LRIG1: variants seen among roughly 807,000 people sequenced by gnomAD.
LRIG1 encodes the protein leucine-rich repeats and immunoglobulin-like domains protein 1.
A neutral mutation model predicts 99.2 loss-of-function variants in LRIG1; 48 were observed. That is an observed-to-expected ratio of 0.48 (90% CI 0.38 to 0.62). The LOEUF is 0.62. Among genes scored for constraint, LRIG1 ranks in the 20% least tolerant of loss-of-function variants. LRIG1 has a pLI of 0.00. For synonymous variants in LRIG1, 772 were observed against 596.1 expected, an observed-to-expected ratio of 1.29 and a Z score of -4.30; for missense variants, 1,646 against 1,434.4, an observed-to-expected ratio of 1.15 and a Z score of -2.38.
chr3:66,392,332 T>C (rs566027141), intron 12 of LRIG1, among the ~76,000 whole-genome samples: 1 of 152,358 alleles, frequency 6.6e-6, no homozygotes. Context: ...TGCCAGGTCA[T>C]GTCGTAACTG....
At chr3:66,426,635 T>C (rs1702988778) in intron 3 of LRIG1, among the ~76,000 whole-genome samples, 1 of 152,218 alleles carries the variant, frequency 6.6e-6, no homozygotes, top group Admixed American at 6.5e-5. Context: ...GAAAGTGAAA[T>C]GGAACATAAG....
intron 9 of LRIG1, among the ~76,000 whole-genome samples, chr3:66,399,976 G>A (rs919330328): frequency 5.3e-5 from 8 of 152,226 alleles, no homozygotes; most frequent in Non-Finnish European, 1.0e-4. Flanking sequence ...ACCCCTCAGG[G>A]CCTGCAGGAG....
intron 2 of LRIG1, among the ~76,000 whole-genome samples, chr3:66,460,488 G>A (rs373037788): frequency 1.3e-5 from 2 of 152,192 alleles, no homozygotes; most frequent in African/African-American, 2.4e-5. Flanking sequence ...GGCCTTTGAA[G>A]AGGTGATGGG....
intron 9 of LRIG1, chr3:66,404,183 C>A (rs144900996): frequency 8.3e-7 from 1 of 1,210,862 alleles, no homozygotes; most frequent in Non-Finnish European, 1.1e-6. Flanking sequence ...CAAAAAGCCA[C>A]GCTTTTCAAA....
In LRIG1 at chr3:66,386,001, T is replaced by G; in HGVS notation, c.1769A>C (p.Lys590Thr). ...TNHFGSTYSH[K>T]ARLTVNVLPS... ...CATACCATTCACGGTGAGCCTGGCC[T>G]TATGTGAATAGGTGGAGCCAAAGTG... Residue 590 changes from lysine to threonine, a missense_variant, in exon 13 of 19, where the codon AAG (lysine) becomes ACG (threonine). Coordinates refer to ENST00000273261, the MANE Select transcript of LRIG1 (RefSeq NM_015541.3). The G allele has an allele frequency of 1.2e-6, 2 of 1,614,122 alleles. No individual in the cohort carries two copies. The highest frequency in any genetic ancestry group is 1.7e-5 in the Admixed American group (1 of 60,022).
chr3:66,448,587 AG>A (rs1703799956), intron 3 of LRIG1, among the ~76,000 whole-genome samples: 2 of 152,172 alleles, frequency 1.3e-5, no homozygotes, highest in Admixed American at 1.3e-4. Context: ...TGAGAAAAAA[AG>A]TAACGTATGT....
chr3:66,500,264 A>C lies in LRIG1; in HGVS notation c.144T>G (p.Ala48=). The C allele has an allele frequency of 1.3e-6, 2 of 1,500,950 alleles. No individual in the cohort carries two copies. Among genetic ancestry groups the C allele is most frequent in the Non-Finnish European group, 1.8e-6 (2 of 1,131,624 alleles). 93.0% of individuals were successfully genotyped at this position (1,500,950 alleles called of 1,614,324 possible). Residue 48 remains alanine (A), a synonymous_variant, in exon 1 of 19, where the codon GCT becomes GCG. Coordinates refer to ENST00000273261, the MANE Select transcript of LRIG1 (RefSeq NM_015541.3). Reference sequence around the variant, plus strand: ...GCCCACCGCAGTCCAGCGAGTCCCCAGCGCAAGTGCAGGCGGCCGCGCAGG... The same window carrying C: ...GCCCACCGCAGTCCAGCGAGTCCCCCGCGCAAGTGCAGGCGGCCGCGCAGG... The part of the protein sequence containing the change: ...RAPCAAACTC[A]GDSLDCGGRG...
intron 3 of LRIG1, among the ~76,000 whole-genome samples, chr3:66,440,465 T>C (rs530840123): frequency 1.6e-4 from 24 of 152,284 alleles, no homozygotes; most frequent in African/African-American, 5.8e-4. Context: ...AATGAACAGA[T>C]ACATATACGA....
intron 3 of LRIG1, among the ~76,000 whole-genome samples, chr3:66,443,347 G>GGGGGCGGGGGAGGAGTGA (rs1703609509): frequency 9.1e-6 from 1 of 110,398 alleles, no homozygotes; most frequent in East Asian, 2.0e-4. Flanking sequence ...GGATGAGTGA[G>GGGGGCGGGGGAGGAGTGA]GGGGCGGGGG....
intron 3 of LRIG1, among the ~76,000 whole-genome samples, chr3:66,418,245 C>T (rs1269028578): frequency 2.6e-5 from 4 of 152,174 alleles, no homozygotes; most frequent in South Asian, 2.1e-4. Context: ...GCACGTGCCA[C>T]CACACCCAGC....
chr3:66,394,859 C>T (rs919510285), intron 11 of LRIG1, among the ~76,000 whole-genome samples: 2 of 152,170 alleles, frequency 1.3e-5, no homozygotes, highest in Admixed American at 6.5e-5. Context: ...TTCAGGGGGC[C>T]GGCAGAATTC....
chr3:66,401,808 G>C, intron 9 of LRIG1: 1 of 528,344 alleles, frequency 1.9e-6, no homozygotes, highest in Non-Finnish European at 3.2e-6. Context: ...AACAGAAAGC[G>C]ACCTGCGGGA....
intron 1 of LRIG1, among the ~76,000 whole-genome samples, chr3:66,491,188 T>C (rs865937479): frequency 2.6e-5 from 4 of 152,210 alleles, no homozygotes; most frequent in African/African-American, 9.6e-5. Context: ...GGTCAGGCCT[T>C]ACAAAGTAAA....
chr3:66,500,840 G>T lies in LRIG1; in HGVS notation c.-433C>A, dbSNP rs891166037. The T allele has an allele frequency of 1.3e-5, 2 of 152,394 alleles. No homozygotes were observed. Among genetic ancestry groups the T allele is most frequent in the South Asian group, 2.1e-4 (1 of 4,846 alleles). The allele number at this position is 152,394 out of a possible 1,614,324, so 9.4% of individuals were successfully genotyped here. A position where few individuals can be genotyped will look rare whatever the true frequency, so the allele number is the denominator to read the frequency against. Reference sequence around the variant, plus strand: ...AGGCATCTTCCTCTGGGCTCGGAGCGCAAAGCCGTAGACCTCGGGCTGGAC... The same window carrying T: ...AGGCATCTTCCTCTGGGCTCGGAGCTCAAAGCCGTAGACCTCGGGCTGGAC... On this transcript the variant is annotated 5_prime_UTR_variant, in exon 1 of 19. Transcript: ENST00000273261.
intron 11 of LRIG1, among the ~76,000 whole-genome samples, chr3:66,397,394 G>C (rs993536594): frequency 2.7e-5 from 4 of 145,810 alleles, no homozygotes; most frequent in African/African-American, 5.1e-5. Context: ...CCCCTTCAGG[G>C]AACTGATATC....
intron 1 of LRIG1, among the ~76,000 whole-genome samples, chr3:66,463,063 G>A (rs1377388847): frequency 1.3e-5 from 2 of 152,078 alleles, no homozygotes; most frequent in Non-Finnish European, 2.9e-5. Flanking sequence ...ACTGGCATCT[G>A]GTGGATACAA....
chr3:66,462,595 C>T lies in LRIG1; in HGVS notation c.219-86G>A, dbSNP rs577577099. 1.5e-4 allele frequency: 136 copies of T among 888,020 alleles called. 1 individual carries two copies. In the South Asian group the frequency reaches 1.9e-3, roughly 12 times the overall value. The allele number at this position is 888,020 out of a possible 1,614,324, so 55.0% of individuals were successfully genotyped here. On this transcript the variant is annotated intron_variant, in intron 1 of 18. Transcript: ENST00000273261. The stretch of plus-strand genomic sequence containing the variant: ...AGAAATCTTCTCTTCTCCTGGCTCC[C>T]CCACCCTCAAATCCAAGCCCCCATC...
chr3:66,444,992 C>T (rs528980436), intron 3 of LRIG1, among the ~76,000 whole-genome samples: 21 of 151,552 alleles, frequency 1.4e-4, no homozygotes, highest in Non-Finnish European at 2.6e-4. Context: ...CCCTGTTGTG[C>T]TGGTTTTTTT....
rs745720211 is a variant in LRIG1, at chr3:66,382,377, T to C, written c.2513A>G (p.Asp838Gly). The C allele has an allele frequency of 3.7e-6, 6 of 1,614,062 alleles. No individual in the cohort carries two copies. The highest frequency in any genetic ancestry group is 5.1e-6 in the Non-Finnish European group (6 of 1,180,034). Residue 838 changes from aspartate to glycine, a missense_variant, in exon 16 of 19, where the codon GAT (aspartate) becomes GGT (glycine). Coordinates refer to ENST00000273261, the MANE Select transcript of LRIG1 (RefSeq NM_015541.3). ...TNTDETVVPP[D>G]VPSYLSSQGT... ...CTGAGAAGAGAGGTAGCTTGGAACA[T>C]CTGGTGGCACGACGGTTTCATCTGC...
Sources: allele counts gnomAD v4.1 joint callset (sites outside exome capture counted in the v4.1 genomes callset), GRCh38; gene constraint gnomAD v4.1.1; transcripts MANE v1.5; gene names NCBI Gene and HGNC (gene_info 2026-07-23, HGNC 2026-07-21).